The following CCDC141 variants were observed in gnomAD, a reference collection of about 807,000 sequenced individuals.
CCDC141 encodes coiled-coil domain-containing protein 141.
CCDC141 carries 168 observed loss-of-function variants against 181.0 expected under a neutral mutation model. That is an observed-to-expected ratio of 0.93 (90% CI 0.82 to 1.05). The LOEUF (loss-of-function observed/expected upper bound fraction) is 1.05. Ranked by LOEUF, CCDC141 falls within the 50% of genes least tolerant of loss-of-function variation. CCDC141 has a pLI of 0.00. For synonymous variants in CCDC141, 666 were observed against 642.3 expected (o/e 1.04, Z -0.56); for missense variants, 1,902 against 1,788.5 (o/e 1.06, Z -1.14).
At chr2:178,930,816 C>T (rs1271277402) in intron 6 of CCDC141, among the ~76,000 whole-genome samples, 1 of 151,942 alleles carries the variant, frequency 6.6e-6, no homozygotes, top group African/African-American at 2.4e-5. Context: ...CAAAATGGAA[C>T]AAAGATCTAA....
At position 178,875,902 on chromosome 2, in the gene CCDC141, G is replaced by A. The variant is rs147479522; in HGVS notation, c.1899+2062C>T. ...GATTGAACCACGTAGAAGTGTGAGA[G>A]AGAGACAGAGATAGATAGATAGATA... On this transcript the variant is annotated intron_variant, in intron 12 of 23. Transcript: ENST00000443758. The A allele has an allele frequency of 1.5e-3, 225 of 152,274 alleles. 4 individuals carry two copies. Among genetic ancestry groups the A allele is most frequent in the African/African-American group, 4.9e-3 (205 of 41,572 alleles). 9.4% of individuals were successfully genotyped at this position (152,274 alleles called of 1,614,324 possible). A position where few individuals can be genotyped will look rare whatever the true frequency, so the allele number is the denominator to read the frequency against.
chr2:178,989,461 G>T (rs1429373996), intron 2 of CCDC141, among the ~76,000 whole-genome samples: 1 of 151,686 alleles, frequency 6.6e-6, no homozygotes, highest in Non-Finnish European at 1.5e-5. Context: ...AGGTGTGGTG[G>T]TGGGCACCTG....
chr2:178,986,267 C>T (rs1691729201), intron 2 of CCDC141, among the ~76,000 whole-genome samples: 1 of 152,148 alleles, frequency 6.6e-6, no homozygotes, highest in African/African-American at 2.4e-5. Flanking sequence ...AATTCAACAA[C>T]ACTTCATGCT....
intron 2 of CCDC141, among the ~76,000 whole-genome samples, chr2:179,024,643 G>A (rs771257355): frequency 1.3e-5 from 2 of 152,172 alleles, no homozygotes; most frequent in Non-Finnish European, 2.9e-5. Context: ...AGAGAGCAAT[G>A]ATAATTTCCT....
At chr2:178,864,833 T>C (rs1243973400) in intron 17 of CCDC141, among the ~76,000 whole-genome samples, 1 of 152,218 alleles carries the variant, frequency 6.6e-6, no homozygotes, top group Admixed American at 6.5e-5. Flanking sequence ...AAACAGAAAG[T>C]GAAGAAAGTT....
At chr2:178,863,389 T>G (rs1352354350) in intron 17 of CCDC141, among the ~76,000 whole-genome samples, 3 of 152,238 alleles carry the variant, frequency 2.0e-5, no homozygotes, top group Non-Finnish European at 1.5e-5. Flanking sequence ...GGTTTAGTCC[T>G]CTGGCATGTT....
At chr2:178,945,754 G>A (rs929886055) in intron 5 of CCDC141, among the ~76,000 whole-genome samples, 1 of 151,968 alleles carries the variant, frequency 6.6e-6, no homozygotes, top group African/African-American at 2.4e-5. Context: ...GGATTTCTCT[G>A]AAATCCTATA....
chr2:178,998,905 T>C (rs1286018525), intron 2 of CCDC141, among the ~76,000 whole-genome samples: 1 of 152,154 alleles, frequency 6.6e-6, no homozygotes, highest in Non-Finnish European at 1.5e-5. Context: ...TAACATTAAA[T>C]ACACATTAAT....
chr2:178,981,636 G>GTGTGTATATATATATA lies in CCDC141; in HGVS notation c.226-2962_226-2961insTATATATATATACACA, dbSNP rs1313433628. 1.1e-4 allele frequency among the ~76,000 whole-genome samples: 7 copies of GTGTGTATATATATATA among 62,396 alleles called. 1 individual carries two copies. The highest frequency in any genetic ancestry group is 6.0e-4 in the South Asian group (1 of 1,654). The allele number at this position is 62,396 out of a possible 152,430, so 40.9% of individuals were successfully genotyped here. A position where few individuals can be genotyped will look rare whatever the true frequency, so the allele number is the denominator to read the frequency against. ...TTTGTAGCATTGAATGTGTGTGTGT[G>GTGTGTATATATATATA]TATATATATATATATATATATACAT... On this transcript the variant is annotated intron_variant, in intron 2 of 23. Coordinates refer to ENST00000443758, the MANE Select transcript of CCDC141 (RefSeq NM_173648.4).
At chr2:179,043,870 A>G (rs1248810053) in intron 2 of CCDC141, among the ~76,000 whole-genome samples, 1 of 152,226 alleles carries the variant, frequency 6.6e-6, no homozygotes, top group Non-Finnish European at 1.5e-5. Flanking sequence ...ATCTTTGCAG[A>G]TGACATGATC....
intron 2 of CCDC141, among the ~76,000 whole-genome samples, chr2:179,044,991 C>T (rs1372311646): frequency 6.7e-6 from 1 of 149,206 alleles, no homozygotes. Flanking sequence ...CTTTCACTTT[C>T]ATTTTTATTT....
rs1326648706 is a variant in CCDC141, at chr2:179,015,065, G to GATATATATATATAT, written c.225+32218_225+32219insATATATATATATAT. ...GAGTGGATAAACTGTGAGAGAGACAGAGATATATATATATATATATATATA... is the reference window on the plus strand; with the variant it reads ...GAGTGGATAAACTGTGAGAGAGACAGATATATATATATATAGATATATATATATATATATATATA... On this transcript the variant is annotated intron_variant, in intron 2 of 23. Coordinates refer to ENST00000443758, the MANE Select transcript of CCDC141 (RefSeq NM_173648.4). Among the ~76,000 whole-genome samples, 26 of 10,968 alleles carry GATATATATATATAT rather than the reference G, an allele frequency of 2.4e-3. 3 individuals carry two copies. The highest frequency in any genetic ancestry group is 6.7e-3 in the East Asian group (1 of 150). 7.2% of individuals were successfully genotyped at this position (10,968 alleles called of 152,430 possible).
At chr2:178,898,232 C>T (rs1687507082) in intron 8 of CCDC141, among the ~76,000 whole-genome samples, 1 of 152,160 alleles carries the variant, frequency 6.6e-6, no homozygotes, top group Admixed American at 6.6e-5. Flanking sequence ...TGTTATAAAA[C>T]AAGGCTGCCT....
chr2:179,005,673 C>T (rs553390809), intron 2 of CCDC141, among the ~76,000 whole-genome samples: 10 of 152,094 alleles, frequency 6.6e-5, no homozygotes, highest in Non-Finnish European at 1.0e-4. Flanking sequence ...CTCACTCTGT[C>T]GCCCAGGCTG....
At chr2:178,966,009 G>A (rs78505469) in intron 4 of CCDC141, among the ~76,000 whole-genome samples, 7,106 of 152,306 alleles carry the variant, frequency 0.047, 215 homozygotes, top group South Asian at 0.077. Flanking sequence ...CCACTGGGAA[G>A]TTTGAACTGG....
intron 2 of CCDC141, among the ~76,000 whole-genome samples, chr2:178,997,500 C>A (rs565006229): frequency 6.6e-6 from 1 of 152,240 alleles, no homozygotes; most frequent in African/African-American, 2.4e-5. Context: ...ATAATGATTT[C>A]AGATCTGGGA....
chr2:178,995,477 G>C (rs868383501), intron 2 of CCDC141, among the ~76,000 whole-genome samples: 45 of 151,970 alleles, frequency 3.0e-4, no homozygotes, highest in African/African-American at 1.0e-3. Context: ...ATGAGATTTG[G>C]GTGAGGACAC....
chr2:178,976,244 A>G (rs1289403343), intron 3 of CCDC141, among the ~76,000 whole-genome samples: 1 of 152,166 alleles, frequency 6.6e-6, no homozygotes. Context: ...TAATATATCC[A>G]CCTTTGGATT....
chr2:178,975,916 G>A (rs1691099124), intron 3 of CCDC141, among the ~76,000 whole-genome samples: 1 of 152,110 alleles, frequency 6.6e-6, no homozygotes, highest in Non-Finnish European at 1.5e-5. Context: ...TAAATAAAAT[G>A]AGATTAGATG....
Sources: gnomAD v4.1 joint callset for allele counts (sites outside exome capture counted in the v4.1 genomes callset) on GRCh38, gnomAD v4.1.1 for gene constraint, MANE v1.5 for transcripts, NCBI Gene and HGNC (gene_info 2026-07-23, HGNC 2026-07-21) for gene names.